Variants in BLTP3A observed in about 807,000 individuals in gnomAD.
BLTP3A encodes ICBP90 binding protein 1.
At chr6:34,812,182 G>A in the BLTP3A span, among the ~76,000 whole-genome samples, 2 of 151,992 alleles carry the variant, frequency 1.3e-5, no homozygotes, top group African/African-American at 4.8e-5. Flanking sequence ...TACAAAATTA[G>A]CCAGGCATGG....
the BLTP3A span, chr6:34,821,444 T>A: frequency 1.3e-5 from 6 of 465,270 alleles, no homozygotes; most frequent in South Asian, 3.8e-5. Flanking sequence ...GCATTTGTTC[T>A]GGCTGGTCTG....
the BLTP3A span, chr6:34,874,872 A>C: frequency 6.6e-6 from 1 of 152,282 alleles, no homozygotes; most frequent in Non-Finnish European, 1.5e-5. Flanking sequence ...TATATGATAA[A>C]GGGAGGAAAG....
chr6:34,834,119 ACTGTATTAT>A, the BLTP3A span: 48 of 1,277,664 alleles, frequency 3.8e-5, no homozygotes, highest in South Asian at 7.0e-4. Flanking sequence ...TAAAAAGACT[ACTGTATTAT>A]CATTATAAAA....
the BLTP3A span, among the ~76,000 whole-genome samples, chr6:34,847,687 TTCTTAG>T: frequency 2.6e-5 from 4 of 151,800 alleles, no homozygotes; most frequent in Non-Finnish European, 4.4e-5. Context: ...TCTCTCTTTT[TTCTTAG>T]TCTGGGGAAA....
the BLTP3A span, among the ~76,000 whole-genome samples, chr6:34,822,738 T>A: frequency 7.9e-5 from 12 of 151,516 alleles, no homozygotes; most frequent in Non-Finnish European, 1.6e-4. Flanking sequence ...GCGCCTGTAA[T>A]CCCAGCTACT....
the BLTP3A span, among the ~76,000 whole-genome samples, chr6:34,795,816 G>GA: frequency 2.0e-5 from 3 of 152,168 alleles, no homozygotes; most frequent in Non-Finnish European, 4.4e-5. Context: ...AGACATTGGG[G>GA]AAAATTTCTG....
the BLTP3A span, chr6:34,872,422 C>T: frequency 6.2e-7 from 1 of 1,609,922 alleles, no homozygotes; most frequent in Non-Finnish European, 8.5e-7. Context: ...AAATATAACC[C>T]CTTCTTTGAG....
chr6:34,828,091 T>G, the BLTP3A span, among the ~76,000 whole-genome samples: 1 of 152,188 alleles, frequency 6.6e-6, no homozygotes, highest in Admixed American at 6.5e-5. Flanking sequence ...TGTCCCACCT[T>G]TTTTCTGTAC....
the BLTP3A span, chr6:34,859,240 C>T: frequency 6.2e-7 from 1 of 1,614,094 alleles, no homozygotes; most frequent in Non-Finnish European, 8.5e-7. Context: ...TCCACTTGCC[C>T]AGCAGCTGGC....
chr6:34,800,785 T>C, the BLTP3A span, among the ~76,000 whole-genome samples: 2 of 152,168 alleles, frequency 1.3e-5, no homozygotes, highest in Non-Finnish European at 2.9e-5. Context: ...ATTTATATAG[T>C]GGTGTGATCT....
At chr6:34,869,210 C>T in the BLTP3A span, among the ~76,000 whole-genome samples, 1 of 152,066 alleles carries the variant, frequency 6.6e-6, no homozygotes. Context: ...CCATGTTGAC[C>T]AGGCTGGTCT....
chr6:34,820,643 A>G, the BLTP3A span, among the ~76,000 whole-genome samples: 30 of 147,300 alleles, frequency 2.0e-4, no homozygotes, highest in Non-Finnish European at 8.9e-5. Context: ...AATGTTATTC[A>G]TGGACTTTCT....
chr6:34,814,531 A>G, the BLTP3A span, among the ~76,000 whole-genome samples: 4 of 152,372 alleles, frequency 2.6e-5, no homozygotes, highest in African/African-American at 9.6e-5. Flanking sequence ...GCAGACGTGC[A>G]TGCACCATCA....
chr6:34,832,680 G>A, the BLTP3A span, among the ~76,000 whole-genome samples: 1 of 151,740 alleles, frequency 6.6e-6, no homozygotes, highest in Non-Finnish European at 1.5e-5. Context: ...CAAACTCCTG[G>A]GCTCAAATGA....
the BLTP3A span, chr6:34,872,663 G>A: frequency 0.09 from 39,011 of 434,222 alleles, 2,355 homozygotes; most frequent in East Asian, 0.27. Context: ...GGCTTGCCCT[G>A]TGTGTGGCAC....
At chr6:34,858,476 G>T in the BLTP3A span, 3 of 1,614,076 alleles carry the variant, frequency 1.9e-6, no homozygotes, top group East Asian at 2.2e-5. Context: ...GACTTTGAGG[G>T]AACAGAAAAC....
chr6:34,865,948 C>T, the BLTP3A span, among the ~76,000 whole-genome samples: 3 of 152,320 alleles, frequency 2.0e-5, no homozygotes, highest in South Asian at 4.1e-4. Flanking sequence ...CAGTGGCTCA[C>T]GCCTGTAATC....
the BLTP3A span, among the ~76,000 whole-genome samples, chr6:34,838,877 G>T: frequency 8.5e-5 from 13 of 152,282 alleles, no homozygotes; most frequent in Admixed American, 1.3e-4. Flanking sequence ...GTTGCTCTGA[G>T]CCAAGATTGT....
the BLTP3A span, among the ~76,000 whole-genome samples, chr6:34,808,323 G>T: frequency 1.1e-5 from 1 of 94,598 alleles, no homozygotes. Context: ...TCCAGCCTGG[G>T]CAACAAGAGT....
Sources: allele counts gnomAD v4.1 joint callset (sites outside exome capture counted in the v4.1 genomes callset), GRCh38; gene constraint gnomAD v4.1.1; transcripts MANE v1.5; gene names NCBI Gene and HGNC (gene_info 2026-07-23, HGNC 2026-07-21).